Variants in AQR observed in about 807,000 individuals in gnomAD.
AQR encodes the protein aquarius intron-binding spliceosomal factor.
A neutral mutation model predicts 180.5 loss-of-function variants in AQR; 61 were observed. The observed-to-expected ratio is 0.34, with a 90% confidence interval of 0.28 to 0.42. AQR has a LOEUF of 0.42. Ranked by LOEUF, AQR falls within the 10% of genes least tolerant of loss-of-function variation. The probability of loss-of-function intolerance (pLI) is 1.00; values close to 1 mark genes in which losing one functional copy is unlikely to be tolerated. For missense variants in AQR, 1,281 were observed against 1,798.3 expected, an observed-to-expected ratio of 0.71 and a Z score of 5.20; for synonymous variants, 551 against 588.8, an observed-to-expected ratio of 0.94 and a Z score of 0.93.
intron 24 of AQR, among the ~76,000 whole-genome samples, chr15:34,887,772 C>A (rs915901856): frequency 1.3e-5 from 2 of 152,134 alleles, no homozygotes. Context: ...CAGAGATTCA[C>A]ATTTGAGGTA....
chr15:34,967,563 G>A (rs2050316418), intron 1 of AQR, among the ~76,000 whole-genome samples: 2 of 152,162 alleles, frequency 1.3e-5, no homozygotes, highest in African/African-American at 4.8e-5. Context: ...GTAGAAGGCT[G>A]AGAATGAATA....
At chr15:34,909,876 A>G (rs922945355) in intron 17 of AQR, among the ~76,000 whole-genome samples, 1 of 152,196 alleles carries the variant, frequency 6.6e-6, no homozygotes, top group African/African-American at 2.4e-5. Flanking sequence ...TGCAAACTTC[A>G]GTTTTCAAAA....
chr15:34,969,697 T>C lies in AQR; in HGVS notation c.-84A>G. The C allele has an allele frequency of 2.1e-6, 3 of 1,408,940 alleles. No individual in the cohort carries two copies. In the South Asian group the frequency reaches 3.9e-5, roughly 18 times the overall value. The allele number at this position is 1,408,940 out of a possible 1,614,324, so 87.3% of individuals were successfully genotyped here. A position where few individuals can be genotyped will look rare whatever the true frequency, so the allele number is the denominator to read the frequency against. On this transcript the variant is annotated 5_prime_UTR_variant, in exon 1 of 35. Transcript: ENST00000156471. ...CCCTGGTCCACTTCCCTTAAGTTAC[T>C]GCCGGGGCGCTTAACTCCGCGCCGC... is the stretch of plus-strand genomic sequence containing the variant.
chr15:34,958,264 C>T (rs531589563), intron 3 of AQR, among the ~76,000 whole-genome samples: 2 of 152,194 alleles, frequency 1.3e-5, no homozygotes, highest in South Asian at 2.1e-4. Flanking sequence ...CCTATAATCC[C>T]AGCACTTTGG....
At chr15:34,965,176 C>T (rs904595886) in intron 1 of AQR, among the ~76,000 whole-genome samples, 3 of 152,134 alleles carry the variant, frequency 2.0e-5, no homozygotes, top group African/African-American at 7.2e-5. Context: ...TATAATCTTA[C>T]CTTTCTATAT....
chr15:34,885,103 C>A (rs1006238474), intron 25 of AQR, among the ~76,000 whole-genome samples: 2 of 152,128 alleles, frequency 1.3e-5, no homozygotes, highest in Non-Finnish European at 2.9e-5. Context: ...AAAGAAATTG[C>A]TCATTTTTTT....
chr15:34,928,288 A>G (rs1183347136), intron 12 of AQR, among the ~76,000 whole-genome samples: 1 of 152,084 alleles, frequency 6.6e-6, no homozygotes, highest in African/African-American at 2.4e-5. Flanking sequence ...TTACATAGGT[A>G]TACATGTGCC....
chr15:34,861,786 G>T (rs1011022042), intron 33 of AQR, among the ~76,000 whole-genome samples: 1 of 151,958 alleles, frequency 6.6e-6, no homozygotes, highest in Non-Finnish European at 1.5e-5. Flanking sequence ...CTCCACAGCA[G>T]CATTTCTTCA....
In AQR at chr15:34,930,290, T is replaced by G; in HGVS notation, c.982A>C (p.Thr328Pro). Residue 328 changes from threonine (T) to proline (P), a missense_variant, in exon 12 of 35, where the codon ACA becomes CCA. Physicochemically the swap from Thr to Pro is conservative, Grantham distance 38 (BLOSUM62 -1). Coordinates refer to ENST00000156471, the MANE Select transcript of AQR (RefSeq NM_014691.3). The part of the protein sequence containing the change: ...GNALTENEMT[T>P]IHYDRITSLQ... ...GAAGTAATTCTATCATAGTGAATTGTGGTCATCTCATTCTCTGTCAGAGCA... is the reference window on the plus strand; with the variant it reads ...GAAGTAATTCTATCATAGTGAATTGGGGTCATCTCATTCTCTGTCAGAGCA... 1 of 1,606,480 alleles carries G rather than the reference T, an allele frequency of 6.2e-7. No homozygotes were observed. Among genetic ancestry groups the G allele is most frequent in the Non-Finnish European group, 8.5e-7 (1 of 1,173,918 alleles).
intron 10 of AQR, among the ~76,000 whole-genome samples, chr15:34,933,871 T>G (rs567286001): frequency 5.8e-4 from 89 of 152,238 alleles, no homozygotes; most frequent in Non-Finnish European, 1.1e-3. Flanking sequence ...CAAGCAATCC[T>G]CCTACTTGGG....
intron 13 of AQR, among the ~76,000 whole-genome samples, chr15:34,925,245 A>C (rs1428101221): frequency 3.3e-5 from 5 of 152,210 alleles, no homozygotes; most frequent in Admixed American, 2.6e-4. Context: ...TAAATGGCCA[A>C]GAAAAAAACA....
chr15:34,916,882 C>CAAAAAAAA (rs71119988), intron 15 of AQR, among the ~76,000 whole-genome samples: 229 of 77,430 alleles, frequency 3.0e-3, no homozygotes, highest in Middle Eastern at 6.8e-3. Flanking sequence ...TTCAGCAGAA[C>CAAAAAAAA]AAAAAAAAAA....
At chr15:34,928,590 C>T (rs1037815276) in intron 12 of AQR, among the ~76,000 whole-genome samples, 1 of 152,146 alleles carries the variant, frequency 6.6e-6, no homozygotes, top group African/African-American at 2.4e-5. Flanking sequence ...TTTATCCAGT[C>T]TATCGTTGAT....
chr15:34,898,378 A>G (rs962361016), intron 20 of AQR, among the ~76,000 whole-genome samples: 3 of 152,226 alleles, frequency 2.0e-5, no homozygotes, highest in Non-Finnish European at 4.4e-5. Flanking sequence ...AAAAAAATAG[A>G]TAACACCAAA....
At chr15:34,860,391 T>C (rs1378501832) in intron 33 of AQR, among the ~76,000 whole-genome samples, 2 of 151,500 alleles carry the variant, frequency 1.3e-5, no homozygotes, top group Non-Finnish European at 2.9e-5. Context: ...CTCTGCCTGC[T>C]GGCCACGTGA....
In AQR at chr15:34,874,879, T is replaced by A; in HGVS notation, c.3238-15A>T. The stretch of plus-strand genomic sequence containing the variant: ...TCCTGAGGATTCTAGAAATGAAAAG[T>A]AAGGAAATGGCAAAATACTCTATTA... On this transcript the variant is annotated splice_polypyrimidine_tract_variant and intron_variant, in intron 28 of 34. Coordinates refer to ENST00000156471, the MANE Select transcript of AQR (RefSeq NM_014691.3). The A allele has an allele frequency of 6.2e-7, 1 of 1,610,408 alleles. No homozygotes were observed. Among genetic ancestry groups the A allele is most frequent in the Non-Finnish European group, 8.5e-7 (1 of 1,178,334 alleles).
intron 14 of AQR, 63 bp from the exon 15 acceptor site, chr15:34,918,441 T>G: frequency 6.4e-7 from 1 of 1,565,216 alleles, no homozygotes; most frequent in Non-Finnish European, 8.6e-7. Context: ...TCAAAATAAT[T>G]TATGGAAGAA....
chr15:34,897,792 A>T lies in AQR; in HGVS notation c.2244-87T>A, dbSNP rs139299103. ...GGTGCATGACATTGTATGCACGATA[A>T]TCAGAGGAGTAAGAAACATTTCTGG... is the stretch of plus-strand genomic sequence containing the variant. On this transcript the variant is annotated intron_variant, in intron 20 of 34. Coordinates refer to ENST00000156471, the MANE Select transcript of AQR (RefSeq NM_014691.3). 9.4e-6 allele frequency: 13 copies of T among 1,386,864 alleles called. No individual in the cohort carries two copies. In the African/African-American group the frequency reaches 1.7e-4, roughly 18 times the overall value. 85.9% of individuals were successfully genotyped at this position (1,386,864 alleles called of 1,614,324 possible).
intron 14 of AQR, among the ~76,000 whole-genome samples, chr15:34,919,654 T>C (rs1893653385): frequency 6.6e-6 from 1 of 152,094 alleles, no homozygotes; most frequent in South Asian, 2.1e-4. Flanking sequence ...CCCAACACTT[T>C]GGGAGGCTGA....
Sources: gnomAD v4.1 joint callset for allele counts (sites outside exome capture counted in the v4.1 genomes callset) on GRCh38, gnomAD v4.1.1 for gene constraint, MANE v1.5 for transcripts, NCBI Gene and HGNC (gene_info 2026-07-23, HGNC 2026-07-21) for gene names.